Variants in CFAP20DC observed in about 807,000 individuals in gnomAD.
CFAP20DC encodes the protein CFAP20 domain containing.
A neutral mutation model predicts 101.7 loss-of-function variants in CFAP20DC; 84 were observed. That is an observed-to-expected ratio of 0.83 (90% CI 0.69 to 0.99). The LOEUF (loss-of-function observed/expected upper bound fraction) is 0.99. CFAP20DC is among the 50% of genes least tolerant of loss of function. The pLI is 0.00. For synonymous variants in CFAP20DC, 359 were observed against 351.2 expected, an observed-to-expected ratio of 1.02 and a Z score of -0.25; for missense variants, 1,007 against 970.3, an observed-to-expected ratio of 1.04 and a Z score of -0.50.
At chr3:58,734,847 C>T (rs779683634) in intron 3 of CFAP20DC, among the ~76,000 whole-genome samples, 3 of 152,198 alleles carry the variant, frequency 2.0e-5, no homozygotes, top group African/African-American at 4.8e-5. Flanking sequence ...AAAAGGCTTA[C>T]AACTTTGAGG....
At chr3:59,009,302 C>T (rs995898523) in intron 4 of CFAP20DC, among the ~76,000 whole-genome samples, 2 of 151,990 alleles carry the variant, frequency 1.3e-5, no homozygotes, top group Admixed American at 1.3e-4. Context: ...ATCACACTAG[C>T]TCCCCAGCAA....
In CFAP20DC at chr3:58,722,671, T is replaced by C. The variant is rs2067489225; in HGVS notation, c.198-5043A>G. 6.6e-6 allele frequency among the ~76,000 whole-genome samples: 1 copy of C among 152,206 alleles called. No homozygotes were observed. Among genetic ancestry groups the C allele is most frequent in the Non-Finnish European group, 1.5e-5 (1 of 68,022 alleles). On this transcript the variant is annotated intron_variant, in intron 3 of 3. Transcript: ENST00000486145. This position sits in a 1 kb window ranked among gnomAD's most constrained non-coding sequence, Gnocchi z 4.5. Reference sequence around the variant, plus strand: ...TTTGCCTTTTCCCAGATGTGAAAGTTACACACTGACTGTGATTTTCTGCCC... The same window carrying C: ...TTTGCCTTTTCCCAGATGTGAAAGTCACACACTGACTGTGATTTTCTGCCC...
chr3:58,785,026 A>C (rs1170747740), intron 15 of CFAP20DC, among the ~76,000 whole-genome samples: 2 of 152,122 alleles, frequency 1.3e-5, no homozygotes, highest in Non-Finnish European at 2.9e-5. Flanking sequence ...TAAGGAATCA[A>C]CCTAAGTGTC....
At chr3:58,765,883 A>G (rs1310854719) in intron 15 of CFAP20DC, among the ~76,000 whole-genome samples, 1 of 152,206 alleles carries the variant, frequency 6.6e-6, no homozygotes, top group African/African-American at 2.4e-5. Context: ...ACTAGGAGAT[A>G]GCTCATTTTT....
At position 58,914,157 on chromosome 3, in the gene CFAP20DC, G is replaced by A. The variant is rs575236116; in HGVS notation, c.394-293C>T. Among the ~76,000 whole-genome samples, 2 of 152,286 alleles carry A rather than the reference G, an allele frequency of 1.3e-5. No individual in the cohort carries two copies. Among genetic ancestry groups the A allele is most frequent in the African/African-American group, 4.8e-5 (2 of 41,566 alleles). On this transcript the variant is annotated intron_variant, in intron 5 of 16. Transcript: ENST00000482387. This position sits in a 1 kb window ranked among gnomAD's most constrained non-coding sequence, Gnocchi z 4.9. ...ATAACTCTCTATCTGTAGGCAGTAT[G>A]CCAGCAGGAAGCTAATTGCAGGTGT... is the stretch of plus-strand genomic sequence containing the variant.
intron 1 of CFAP20DC, 116 bp downstream of exon 1, chr3:59,049,495 C>T: frequency 1.0e-6 from 1 of 984,708 alleles, no homozygotes. Flanking sequence ...CTGTCTTACC[C>T]CTGAAAAAGA....
chr3:58,933,529 T>G (rs1190014577), intron 5 of CFAP20DC, among the ~76,000 whole-genome samples: 1 of 151,766 alleles, frequency 6.6e-6, no homozygotes, highest in Non-Finnish European at 1.5e-5. Context: ...GAAGTAAAGC[T>G]CTCCTCAGCA....
chr3:58,822,045 A>C lies in CFAP20DC; in HGVS notation c.2175+9641T>G, dbSNP rs1209336158. 1.7e-4 allele frequency among the ~76,000 whole-genome samples: 24 copies of C among 144,940 alleles called. No homozygotes were observed. In the South Asian group the frequency reaches 5.3e-3, roughly 32 times the overall value. ...TCATTCTCAGTAAACTATCGCAAGA[A>C]CAAAAAACCAAACACCGCATATTCT... On this transcript the variant is annotated intron_variant, in intron 14 of 16. Transcript: ENST00000482387.
chr3:58,740,805 CTATT>C (rs2067864325), downstream of CFAP20DC, among the ~76,000 whole-genome samples: 1 of 152,084 alleles, frequency 6.6e-6, no homozygotes, highest in Non-Finnish European at 1.5e-5. The surrounding 1 kb of genome is among the most constrained non-coding windows in gnomAD (Gnocchi z 4.6). Flanking sequence ...GGTCCTGAGA[CTATT>C]TAAAGCAGAA....
chr3:59,034,054 T>C (rs1019615833), intron 4 of CFAP20DC, among the ~76,000 whole-genome samples: 2 of 151,766 alleles, frequency 1.3e-5, no homozygotes, highest in Non-Finnish European at 3.0e-5. Flanking sequence ...TTCAATATTC[T>C]TAAAGACTTT....
At chr3:58,895,962 C>T (rs1356677696) in intron 6 of CFAP20DC, among the ~76,000 whole-genome samples, 3 of 152,158 alleles carry the variant, frequency 2.0e-5, no homozygotes, top group African/African-American at 7.2e-5. Flanking sequence ...GAACGACCTG[C>T]CCCCATGATT....
chr3:59,025,760 G>A (rs934309509), intron 4 of CFAP20DC, among the ~76,000 whole-genome samples: 1 of 151,988 alleles, frequency 6.6e-6, no homozygotes, highest in Non-Finnish European at 1.5e-5. Flanking sequence ...ACTGCACAGT[G>A]GTTTAACAAA....
rs1332573918 is a variant in CFAP20DC, at chr3:58,796,333, G to A, written c.2237+10062C>T. ...GGAGTTGTGCAAGGTGTGGTCCAGG[G>A]TTAAGAGTGGTCAGAGGTGAAAAGC... On this transcript the variant is annotated intron_variant, in intron 15 of 16. Coordinates refer to ENST00000482387, the MANE Select transcript of CFAP20DC (RefSeq NM_001394063.1). 3.3e-5 allele frequency among the ~76,000 whole-genome samples: 5 copies of A among 152,234 alleles called. No homozygotes were observed. In the East Asian group the frequency reaches 7.7e-4, roughly 24 times the overall value.
intron 4 of CFAP20DC, among the ~76,000 whole-genome samples, chr3:58,949,358 T>C (rs1275749197): frequency 6.6e-6 from 1 of 152,214 alleles, no homozygotes. Context: ...CTTCTCTAGT[T>C]CTTTTAATTG....
At chr3:58,951,754 T>C (rs1189847072) in intron 4 of CFAP20DC, among the ~76,000 whole-genome samples, 1 of 151,576 alleles carries the variant, frequency 6.6e-6, no homozygotes, top group Non-Finnish European at 1.5e-5. Flanking sequence ...CCGGGGCCTG[T>C]TGTGGGGTGG....
chr3:58,958,457 G>A (rs984420736), intron 4 of CFAP20DC, among the ~76,000 whole-genome samples: 1 of 152,182 alleles, frequency 6.6e-6, no homozygotes, highest in South Asian at 2.1e-4. Context: ...CTGTTTCCAC[G>A]TTTGGCCAAC....
intron 5 of CFAP20DC, among the ~76,000 whole-genome samples, chr3:58,932,092 G>C (rs938626521): frequency 6.6e-5 from 10 of 152,216 alleles, no homozygotes; most frequent in African/African-American, 2.4e-4. Flanking sequence ...GCTGATGGAG[G>C]TGAAAGCCAA....
intron 4 of CFAP20DC, among the ~76,000 whole-genome samples, chr3:58,945,954 C>T (rs1007477283): frequency 7.2e-5 from 11 of 151,960 alleles, no homozygotes; most frequent in African/African-American, 2.7e-4. Context: ...CTCGACCTCC[C>T]AAAGTGCTGG....
chr3:58,901,352 C>T (rs184040287), intron 6 of CFAP20DC, among the ~76,000 whole-genome samples: 50 of 152,290 alleles, frequency 3.3e-4, no homozygotes, highest in African/African-American at 1.2e-3. Context: ...GGCTCTGGGG[C>T]AAGGCTTCCT....
Sources: gnomAD v4.1 joint callset for allele counts (sites outside exome capture counted in the v4.1 genomes callset) on GRCh38, gnomAD v4.1.1 for gene constraint, Gnocchi (gnomAD v3.1) non-coding constraint, MANE v1.5 for transcripts, NCBI Gene and HGNC (gene_info 2026-07-23, HGNC 2026-07-21) for gene names.